The following TTC3 variants were observed in gnomAD, a reference collection of about 807,000 sequenced individuals.
TTC3 encodes the protein tetratricopeptide repeat domain 3.
In TTC3, 180 loss-of-function variants were observed where a neutral mutation model predicts 249.6. The ratio of observed to expected loss-of-function variants is 0.72; its 90% CI spans 0.64 to 0.82. The LOEUF (loss-of-function observed/expected upper bound fraction) is 0.82. TTC3 is among the 40% of genes least tolerant of loss of function. The probability of loss-of-function intolerance (pLI) is 0.00; values close to 1 mark genes in which losing one functional copy is unlikely to be tolerated. For missense variants in TTC3, 2,061 were observed against 2,398.4 expected (o/e 0.86, Z 2.94); for synonymous variants, 717 against 805.0 (o/e 0.89, Z 1.85).
Position 37,122,967 on chromosome 21 carries a change from GT to G in TTC3, c.1064-15del, listed in dbSNP as rs1472356160. On this transcript the variant is annotated splice_polypyrimidine_tract_variant and intron_variant, in intron 12 of 45. Transcript: ENST00000355666. ...CATTGATTACTATGTGTGTGTGTGT[GT>G]GATGACTTTTATAGGTCGAACAGCA... The G allele has an allele frequency of 6.8e-7, 1 of 1,461,394 alleles. No individual in the cohort carries two copies. Among genetic ancestry groups the G allele is most frequent in the Non-Finnish European group, 9.0e-7 (1 of 1,111,586 alleles). 90.5% of individuals were successfully genotyped at this position (1,461,394 alleles called of 1,614,324 possible). A position where few individuals can be genotyped will look rare whatever the true frequency, so the allele number is the denominator to read the frequency against.
intron 36 of TTC3, among the ~76,000 whole-genome samples, chr21:37,183,647 C>T (rs959667671): frequency 6.6e-6 from 1 of 152,026 alleles, no homozygotes; most frequent in Non-Finnish European, 1.5e-5. Context: ...TGGGGGTGGC[C>T]TCAGCTGGGA....
intron 21 of TTC3, among the ~76,000 whole-genome samples, chr21:37,146,704 G>A (rs146836948): frequency 3.8e-4 from 58 of 152,316 alleles, no homozygotes; most frequent in African/African-American, 1.4e-3. Context: ...AAGGTTAGGG[G>A]AAAATGAGGA....
intron 11 of TTC3, among the ~76,000 whole-genome samples, chr21:37,119,864 A>G (rs894204134): frequency 2.0e-5 from 3 of 152,076 alleles, no homozygotes; most frequent in East Asian, 1.9e-4. Context: ...TTTTAAAAAG[A>G]CTTTTACCAT....
intron 3 of TTC3, 101 bp from the exon 4 acceptor site, chr21:37,088,095 T>TC: frequency 9.1e-7 from 1 of 1,104,650 alleles, no homozygotes; most frequent in Non-Finnish European, 1.3e-6. Context: ...TTCATTCATT[T>TC]CTTCCCTCTC....
rs147825672 is a variant in TTC3, at chr21:37,200,567, CGTT to C, written c.5943+244_5943+246del. Among the ~76,000 whole-genome samples, 716 of 152,246 alleles carry C rather than the reference CGTT, an allele frequency of 4.7e-3. 7 individuals are homozygous for C. Among genetic ancestry groups the C allele is most frequent in the African/African-American group, 0.016 (685 of 41,550 alleles). Reference sequence around the variant, plus strand: ...GAGGGGAACAGCAGCTCCAGCCACTCGTTAGTGCTGAGATTCAAAGCAGTATTA... The same window carrying C: ...GAGGGGAACAGCAGCTCCAGCCACTCAGTGCTGAGATTCAAAGCAGTATTA... On this transcript the variant is annotated intron_variant, in intron 45 of 45. Coordinates refer to ENST00000355666, the Ensembl canonical transcript of TTC3.
At position 37,162,187 on chromosome 21, in the gene TTC3, A is replaced by G. The variant is rs980006961; in HGVS notation, c.3170+124A>G. The G allele has an allele frequency of 1.4e-5, 8 of 563,398 alleles. No homozygotes were observed. In the East Asian group the frequency reaches 2.1e-4, roughly 15 times the overall value. 34.9% of individuals were successfully genotyped at this position (563,398 alleles called of 1,614,324 possible). A position where few individuals can be genotyped will look rare whatever the true frequency, so the allele number is the denominator to read the frequency against. Reference sequence around the variant, plus strand: ...CTAACTTTCCTTTCTAAAGCTGTGCATCTGACAACCTGATGTAATTCCATC... The same window carrying G: ...CTAACTTTCCTTTCTAAAGCTGTGCGTCTGACAACCTGATGTAATTCCATC... On this transcript the variant is annotated intron_variant, in intron 31 of 45. Transcript: ENST00000355666.
intron 11 of TTC3, among the ~76,000 whole-genome samples, chr21:37,111,555 C>G (rs1211362359): frequency 6.6e-6 from 1 of 152,128 alleles, no homozygotes; most frequent in Non-Finnish European, 1.5e-5. Flanking sequence ...ACAGCAAGTC[C>G]TTAGTGACCT....
exon 22 of TTC3, chr21:37,147,500 T>C: frequency 5.6e-6 from 9 of 1,607,712 alleles, no homozygotes; most frequent in Non-Finnish European, 7.6e-6. Flanking sequence ...GAGAAATTTG[T>C]TGAAGAATGC....
intron 1 of TTC3, chr21:37,082,578 C>T: frequency 1.0e-6 from 1 of 985,386 alleles, no homozygotes; most frequent in Non-Finnish European, 1.2e-6. Flanking sequence ...CCTATTACTG[C>T]TCTTGGCACC....
chr21:37,172,498 T>C (rs1371333266), intron 34 of TTC3, 97 bp from the exon 35 acceptor site: 1 of 1,347,170 alleles, frequency 7.4e-7, no homozygotes, highest in African/African-American at 1.5e-5. Context: ...ATCTGCTTTT[T>C]ACTCTCCTTT....
chr21:37,138,523 A>AT, intron 18 of TTC3, 111 bp from the exon 19 acceptor site: 1 of 659,360 alleles, frequency 1.5e-6, no homozygotes, highest in Non-Finnish European at 2.6e-6. Context: ...ACAATCATTG[A>AT]TTCGTAAGAT....
Position 37,192,114 on chromosome 21 carries a change from TCA to T in TTC3, c.5119_5120del (p.Gln1707ValfsTer2). 6.3e-7 allele frequency: 1 copy of T among 1,591,498 alleles called. No homozygotes were observed. The highest frequency in any genetic ancestry group is 8.6e-7 in the Non-Finnish European group (1 of 1,169,168). On this transcript the variant is annotated frameshift_variant, in exon 41 of 46. Transcript: ENST00000355666. LOFTEE classifies it high-confidence loss of function. ...CACACTTTACTTTCTACTCACAGTC[TCA>T]GTTTGAAGAACAAATTAAGGCAATT...
chr21:37,124,836 G>A (rs1013234340), intron 14 of TTC3, 94 bp downstream of exon 14: 1 of 1,386,360 alleles, frequency 7.2e-7, no homozygotes, highest in Non-Finnish European at 9.8e-7. Context: ...CAAATTTTTG[G>A]CGATTTGAAC....
At chr21:37,075,543 A>G (rs1414490360) in intron 1 of TTC3, among the ~76,000 whole-genome samples, 1 of 152,216 alleles carries the variant, frequency 6.6e-6, no homozygotes, top group Non-Finnish European at 1.5e-5. Flanking sequence ...TGAGAACACA[A>G]TTTCCTCACA....
chr21:37,104,569 G>A (rs77208348), intron 10 of TTC3, among the ~76,000 whole-genome samples: 6,093 of 133,598 alleles, frequency 0.046, 170 homozygotes, highest in Admixed American at 0.099. Context: ...CAGCCTCGGC[G>A]ACGAGCAAAA....
exon 46 of TTC3, chr21:37,201,468 G>A: frequency 6.2e-7 from 1 of 1,614,006 alleles, no homozygotes. Flanking sequence ...AAAGGGCAGA[G>A]CGCTTGCCCG....
intron 17 of TTC3, among the ~76,000 whole-genome samples, chr21:37,133,553 C>T (rs767743875): frequency 5.3e-5 from 8 of 152,124 alleles, no homozygotes; most frequent in Non-Finnish European, 8.8e-5. Context: ...TAAATATGAT[C>T]GCTGTTTTTG....
chr21:37,133,980 T>A (rs1000856256), intron 17 of TTC3, among the ~76,000 whole-genome samples: 1 of 152,246 alleles, frequency 6.6e-6, no homozygotes, highest in Non-Finnish European at 1.5e-5. Flanking sequence ...TAAAATTGAA[T>A]GAGTTTATGC....
At chr21:37,197,945 T>C in exon 44 of TTC3, 1 of 1,613,882 alleles carries the variant, frequency 6.2e-7, no homozygotes, top group Non-Finnish European at 8.5e-7. Flanking sequence ...GACCAGGTCC[T>C]CCCAGGGCTC....
Sources: gnomAD v4.1 joint callset for allele counts (sites outside exome capture counted in the v4.1 genomes callset) on GRCh38, gnomAD v4.1.1 for gene constraint, MANE v1.5 for transcripts, NCBI Gene and HGNC (gene_info 2026-07-23, HGNC 2026-07-21) for gene names.